The following RADIL variants were observed in gnomAD, a reference collection of about 807,000 sequenced individuals.
The protein encoded by RADIL is ras-associating and dilute domain-containing protein.
In RADIL, 99 loss-of-function variants were observed where a neutral mutation model predicts 97.6. That is an observed-to-expected ratio of 1.01 (90% CI 0.86 to 1.20). The LOEUF is 1.20. Among genes scored for constraint, RADIL ranks in the 50% most tolerant of loss-of-function variants. RADIL has a pLI of 0.00. For missense variants in RADIL, 1,765 were observed against 1,498.9 expected (o/e 1.18, Z -2.93); for synonymous variants, 803 against 691.8 (o/e 1.16, Z -2.52).
rs1783254046 is a variant in RADIL, at chr7:4,834,961, TAGC to T, written c.1059_1061del (p.Leu354del). 1.9e-6 allele frequency: 3 copies of T among 1,608,266 alleles called. No homozygotes were observed. In the African/African-American group the frequency reaches 4.0e-5, roughly 21 times the overall value. On this transcript the variant is annotated inframe_deletion, in exon 4 of 15. Coordinates refer to ENST00000399583, the MANE Select transcript of RADIL (RefSeq NM_018059.5). The surrounding 1 kb of genome is among the most constrained non-coding windows in gnomAD (Gnocchi z 6.0). ...GCTGGGCCTGCGCGGGGTCCTTGAATAGCAGCAGGTAGTAGAGCCCCAGGGAGA... is the reference window on the plus strand; with the variant it reads ...GCTGGGCCTGCGCGGGGTCCTTGAATAGCAGGTAGTAGAGCCCCAGGGAGA...
At chr7:4,825,976 C>G (rs1169575096) in intron 5 of RADIL, among the ~76,000 whole-genome samples, 1 of 151,050 alleles carries the variant, frequency 6.6e-6, no homozygotes, top group South Asian at 2.1e-4. Flanking sequence ...GGTGCGGTAG[C>G]TCACATCTGC....
In RADIL at chr7:4,873,409, G is replaced by A. The variant is rs1360995296; in HGVS notation, c.535+4196C>T. Among the ~76,000 whole-genome samples the A allele has an allele frequency of 6.6e-6, 1 of 152,140 alleles. No individual in the cohort carries two copies. Among genetic ancestry groups the A allele is most frequent in the Admixed American group, 6.5e-5 (1 of 15,274 alleles). ...ACACGTGCACATCACATCACCACATGCACAGGCCAGGGGTCCCTTCCCTTT... is the reference window on the plus strand; with the variant it reads ...ACACGTGCACATCACATCACCACATACACAGGCCAGGGGTCCCTTCCCTTT... On this transcript the variant is annotated intron_variant, in intron 2 of 14. Transcript: ENST00000399583. This position sits in a 1 kb window ranked among gnomAD's most constrained non-coding sequence, Gnocchi z 4.3.
rs1784159195 is a variant in RADIL at position 4,867,620 on chromosome 7, TA to T, written c.535+9984del. On this transcript the variant is annotated intron_variant, in intron 2 of 14. Coordinates refer to ENST00000399583, the MANE Select transcript of RADIL (RefSeq NM_018059.5). The surrounding 1 kb of genome is among the most constrained non-coding windows in gnomAD (Gnocchi z 4.1). ...CATAGTGAGGCCCTGTCTCTATTTTTAAAATAAATAAGTAAATAAATAAATA... is the reference window on the plus strand; with the variant it reads ...CATAGTGAGGCCCTGTCTCTATTTTTAAATAAATAAGTAAATAAATAAATA... Among the ~76,000 whole-genome samples, 1 of 149,276 alleles carries T rather than the reference TA, an allele frequency of 6.7e-6. No homozygotes were observed. The highest frequency in any genetic ancestry group is 2.1e-4 in the South Asian group (1 of 4,820).
intron 2 of RADIL, among the ~76,000 whole-genome samples, chr7:4,868,042 T>A (rs1266081037): frequency 6.6e-6 from 1 of 152,148 alleles, no homozygotes; most frequent in African/African-American, 2.4e-5. Flanking sequence ...ACATCATTGG[T>A]TTCTTATTAT....
In RADIL at chr7:4,880,773, C is replaced by T. The variant is rs1462661725; in HGVS notation, c.-64-2570G>A. On this transcript the variant is annotated intron_variant, in intron 1 of 14. Coordinates refer to ENST00000399583, the MANE Select transcript of RADIL (RefSeq NM_018059.5). The surrounding 1 kb of genome is among the most constrained non-coding windows in gnomAD (Gnocchi z 4.5). ...TGAAGTCTGAATGCTGATATAAATA[C>T]GATACCAAAAACTGGGGAAGCCCCC... Among the ~76,000 whole-genome samples the T allele has an allele frequency of 2.6e-5, 4 of 152,168 alleles. No individual in the cohort carries two copies. The highest frequency in any genetic ancestry group is 5.9e-5 in the Non-Finnish European group (4 of 68,040).
intron 5 of RADIL, among the ~76,000 whole-genome samples, chr7:4,829,380 GC>G (rs1167614636): frequency 6.6e-6 from 1 of 152,196 alleles, no homozygotes; most frequent in Non-Finnish European, 1.5e-5. Flanking sequence ...AAAGTGGAAG[GC>G]GTTCGGAGCT....
rs1057385168 is a variant in RADIL at position 4,817,455 on chromosome 7, C to A, written c.1616-104G>T. 4 of 986,650 alleles carry A rather than the reference C, an allele frequency of 4.1e-6. No homozygotes were observed. The highest frequency in any genetic ancestry group is 6.0e-6 in the Non-Finnish European group (4 of 670,668). 61.1% of individuals were successfully genotyped at this position (986,650 alleles called of 1,614,324 possible). A position where few individuals can be genotyped will look rare whatever the true frequency, so the allele number is the denominator to read the frequency against. On this transcript the variant is annotated intron_variant, in intron 6 of 14. Coordinates refer to ENST00000399583, the MANE Select transcript of RADIL (RefSeq NM_018059.5). This position sits in a 1 kb window ranked among gnomAD's most constrained non-coding sequence, Gnocchi z 8.3. ...TTTCCCTGGCGCGGGCACCACCCAA[C>A]GCGCCCATCTGGGGTCCAGATGCGA...
In RADIL at chr7:4,880,992, C is replaced by T. The variant is rs1784471987; in HGVS notation, c.-65+2604G>A. Among the ~76,000 whole-genome samples the T allele has an allele frequency of 6.7e-6, 1 of 150,366 alleles. No individual in the cohort carries two copies. Among genetic ancestry groups the T allele is most frequent in the Non-Finnish European group, 1.5e-5 (1 of 67,708 alleles). ...GTGTGCACCTGTAGTCCCAGCTACT[C>T]GGGAGGCTGAGGCAGGAGGATCACC... On this transcript the variant is annotated intron_variant, in intron 1 of 14. Coordinates refer to ENST00000399583, the MANE Select transcript of RADIL (RefSeq NM_018059.5). The surrounding 1 kb of genome is among the most constrained non-coding windows in gnomAD (Gnocchi z 4.5).
intron 9 of RADIL, among the ~76,000 whole-genome samples, chr7:4,811,475 A>C (rs947232629): frequency 1.5e-5 from 1 of 67,854 alleles, no homozygotes; most frequent in Non-Finnish European, 3.1e-5. Context: ...TGATGGTATT[A>C]TTTCTTTTTT....
rs542302329 is a variant in RADIL, at chr7:4,845,806, T to C, written c.536-9201A>G. On this transcript the variant is annotated intron_variant, in intron 2 of 14. Transcript: ENST00000399583. ...AAACCTAATTAAGATAATGGGTAACTGAGGAGATAAAATGCTTAAGCCATT... is the reference window on the plus strand; with the variant it reads ...AAACCTAATTAAGATAATGGGTAACCGAGGAGATAAAATGCTTAAGCCATT... 4.6e-5 allele frequency among the ~76,000 whole-genome samples: 7 copies of C among 152,256 alleles called. No individual in the cohort carries two copies. In the South Asian group the frequency reaches 1.5e-3, roughly 32 times the overall value.
chr7:4,857,333 G>C (rs759712693), intron 2 of RADIL, among the ~76,000 whole-genome samples: 1 of 152,018 alleles, frequency 6.6e-6, no homozygotes, highest in Non-Finnish European at 1.5e-5. Flanking sequence ...TTTTGGTTGT[G>C]TCTCTTTTAA....
At chr7:4,863,178 T>C (rs28432068) in intron 2 of RADIL, among the ~76,000 whole-genome samples, 194 of 152,336 alleles carry the variant, frequency 1.3e-3, no homozygotes, top group African/African-American at 4.5e-3. Flanking sequence ...TAGTCTGCTG[T>C]TTAAGCATCA....
chr7:4,862,746 A>C (rs1208952347), intron 2 of RADIL, among the ~76,000 whole-genome samples: 1 of 151,858 alleles, frequency 6.6e-6, no homozygotes, highest in Non-Finnish European at 1.5e-5. Context: ...AAAAATACAA[A>C]ATTAGCCGGG....
chr7:4,806,465 G>T (rs549320580), intron 9 of RADIL, among the ~76,000 whole-genome samples: 1 of 152,272 alleles, frequency 6.6e-6, no homozygotes, highest in East Asian at 1.9e-4. Flanking sequence ...GGGATTGCAG[G>T]TATGAGCCAC....
chr7:4,834,792 G>GCTCAAACTCCAGGAGCAGCTGGGA lies in RADIL; in HGVS notation c.1230_1231insTCCCAGCTGCTCCTGGAGTTTGAG (p.Glu410_Pro411insSerGlnLeuLeuLeuGluPheGlu). On this transcript the variant is annotated inframe_insertion, in exon 4 of 15. Coordinates refer to ENST00000399583, the MANE Select transcript of RADIL (RefSeq NM_018059.5). The surrounding 1 kb of genome is among the most constrained non-coding windows in gnomAD (Gnocchi z 6.0). ...TGCAGCAGCGTGTCCTCCAGGTGGG[G>GCTCAAACTCCAGGAGCAGCTGGGA]CTCAAACTCCAGGAGCAGCTGCTGG... 1 of 1,348,376 alleles carries GCTCAAACTCCAGGAGCAGCTGGGA rather than the reference G, an allele frequency of 7.4e-7. No homozygotes were observed. The highest frequency in any genetic ancestry group is 2.9e-5 in the East Asian group (1 of 34,220). The allele number at this position is 1,348,376 out of a possible 1,614,324, so 83.5% of individuals were successfully genotyped here.
rs551733907 is a variant in RADIL at position 4,878,285 on chromosome 7, C to T, written c.-64-82G>A. 5 of 921,666 alleles carry T rather than the reference C, an allele frequency of 5.4e-6. No individual in the cohort carries two copies. Among genetic ancestry groups the T allele is most frequent in the East Asian group, 2.7e-5 (1 of 37,012 alleles). 57.1% of individuals were successfully genotyped at this position (921,666 alleles called of 1,614,324 possible). A position where few individuals can be genotyped will look rare whatever the true frequency, so the allele number is the denominator to read the frequency against. ...GAGGCCACAGGCGGTGACTCCTGCCCGTCATCCCAGCGCTTTAGAAGGCCA... is the reference window on the plus strand; with the variant it reads ...GAGGCCACAGGCGGTGACTCCTGCCTGTCATCCCAGCGCTTTAGAAGGCCA... On this transcript the variant is annotated intron_variant, in intron 1 of 14. Transcript: ENST00000399583. This position sits in a 1 kb window ranked among gnomAD's most constrained non-coding sequence, Gnocchi z 4.1.
intron 2 of RADIL, chr7:4,857,634 G>C (rs1026777277): frequency 1.3e-5 from 2 of 152,512 alleles, no homozygotes; most frequent in African/African-American, 2.4e-5. Context: ...AAGATCGAAA[G>C]GTTCATCAGT....
intron 2 of RADIL, chr7:4,861,777 G>C: frequency 6.7e-7 from 1 of 1,487,218 alleles, no homozygotes; most frequent in Non-Finnish European, 8.9e-7. Context: ...GCCGGCTGCG[G>C]TGGTCCCTGG....
In RADIL at chr7:4,873,967, C is replaced by A. The variant is rs943398020; in HGVS notation, c.535+3638G>T. Reference sequence around the variant, plus strand: ...CTCCTCCCCTTCTCTGGCTCTCAGTCGTTCCCCTTGGAGGGGCGAGGGAGG... The same window carrying A: ...CTCCTCCCCTTCTCTGGCTCTCAGTAGTTCCCCTTGGAGGGGCGAGGGAGG... On this transcript the variant is annotated intron_variant, in intron 2 of 14. Coordinates refer to ENST00000399583, the MANE Select transcript of RADIL (RefSeq NM_018059.5). This position sits in a 1 kb window ranked among gnomAD's most constrained non-coding sequence, Gnocchi z 4.3. Among the ~76,000 whole-genome samples, 1 of 152,258 alleles carries A rather than the reference C, an allele frequency of 6.6e-6. No homozygotes were observed. The highest frequency in any genetic ancestry group is 1.5e-5 in the Non-Finnish European group (1 of 68,046).
Sources: gnomAD v4.1 joint callset for allele counts (sites outside exome capture counted in the v4.1 genomes callset) on GRCh38, gnomAD v4.1.1 for gene constraint, Gnocchi (gnomAD v3.1) non-coding constraint, MANE v1.5 for transcripts, NCBI Gene and HGNC (gene_info 2026-07-23, HGNC 2026-07-21) for gene names.